ADCY5: variants seen among roughly 807,000 people sequenced by gnomAD.
ADCY5 encodes adenylate cyclase 5.
Under a neutral mutation model 119.7 loss-of-function variants are expected in ADCY5, and 30 were observed. The ratio of observed to expected loss-of-function variants is 0.25; its 90% CI spans 0.19 to 0.34. The LOEUF (loss-of-function observed/expected upper bound fraction) is 0.34. Ranked by LOEUF, ADCY5 falls within the 10% of genes least tolerant of loss-of-function variation. The pLI is 1.00. For synonymous variants in ADCY5, 753 were observed against 762.2 expected (o/e 0.99, Z 0.20); for missense variants, 1,324 against 1,775.2 (o/e 0.75, Z 4.57).
chr3:123,372,569 T>C (rs1231583755), intron 1 of ADCY5, among the ~76,000 whole-genome samples: 1 of 152,180 alleles, frequency 6.6e-6, no homozygotes, highest in Non-Finnish European at 1.5e-5. Context: ...ATGCTATTCC[T>C]GGCCACATGC....
At chr3:123,435,853 TA>T (rs1416570042) in intron 1 of ADCY5, among the ~76,000 whole-genome samples, 118 of 60,766 alleles carry the variant, frequency 1.9e-3, no homozygotes, top group African/African-American at 0.012. Flanking sequence ...AGAGCCCTTT[TA>T]TTATTATTAT....
intron 14 of ADCY5, among the ~76,000 whole-genome samples, chr3:123,300,582 G>C (rs1392120206): frequency 6.6e-6 from 1 of 152,218 alleles, no homozygotes; most frequent in Non-Finnish European, 1.5e-5. Flanking sequence ...ACTGGGCTTT[G>C]TGTGCCTCGG....
At chr3:123,373,900 T>C (rs961726802) in intron 1 of ADCY5, among the ~76,000 whole-genome samples, 2 of 152,026 alleles carry the variant, frequency 1.3e-5, no homozygotes, top group Non-Finnish European at 2.9e-5. Context: ...TTGGTTCCTA[T>C]AAAATCAGGA....
At chr3:123,307,837 C>T (rs1940281380) in intron 12 of ADCY5, among the ~76,000 whole-genome samples, 1 of 151,966 alleles carries the variant, frequency 6.6e-6, no homozygotes, top group African/African-American at 2.4e-5. Flanking sequence ...AGAGTATGCA[C>T]ATTAGCTTCC....
intron 1 of ADCY5, among the ~76,000 whole-genome samples, chr3:123,394,385 A>C (rs756560544): frequency 1.1e-4 from 17 of 152,310 alleles, no homozygotes; most frequent in Admixed American, 7.2e-4. Context: ...ATCCATCTAT[A>C]GCACAACTGA....
At chr3:123,326,602 A>G (rs1284299369) in intron 7 of ADCY5, among the ~76,000 whole-genome samples, 4 of 152,132 alleles carry the variant, frequency 2.6e-5, no homozygotes, top group African/African-American at 9.7e-5. Context: ...CAGTTCATTG[A>G]TACTATGGCC....
chr3:123,348,036 AGT>A lies in ADCY5; in HGVS notation c.1285-135_1285-134del, dbSNP rs59441110. On this transcript the variant is annotated intron_variant, in intron 2 of 20. Coordinates refer to ENST00000462833, the MANE Select transcript of ADCY5 (RefSeq NM_183357.3). ...GCTCTCCCGGGACTCCTGGGTTAAC[AGT>A]GTGTGTGTGTGTGTGTGTGTGTGTG... 2.2e-3 allele frequency: 1,040 copies of A among 467,212 alleles called. 1 individual carries two copies. Among genetic ancestry groups the A allele is most frequent in the East Asian group, 5.5e-3 (169 of 30,822 alleles). 28.9% of individuals were successfully genotyped at this position (467,212 alleles called of 1,614,324 possible). A position where few individuals can be genotyped will look rare whatever the true frequency, so the allele number is the denominator to read the frequency against.
chr3:123,424,637 C>G (rs1945365399), intron 1 of ADCY5, among the ~76,000 whole-genome samples: 1 of 152,202 alleles, frequency 6.6e-6, no homozygotes, highest in South Asian at 2.1e-4. Context: ...ACCCTTACAG[C>G]CCTTCCTCCA....
chr3:123,401,611 T>C (rs1311396143), intron 1 of ADCY5, among the ~76,000 whole-genome samples: 4 of 152,174 alleles, frequency 2.6e-5, no homozygotes, highest in Admixed American at 2.6e-4. Context: ...TTGGAACAAG[T>C]GGTGGAAAGG....
chr3:123,300,175 C>T lies in ADCY5; in HGVS notation c.2845G>A (p.Val949Met), dbSNP rs151227955. Reference sequence around the variant, plus strand: ...TTGTCGAAGAGCGTGACACCTGGCACCTCCACGATGAGCACGTAGATGAGC... The same window carrying T: ...TTGTCGAAGAGCGTGACACCTGGCATCTCCACGATGAGCACGTAGATGAGC... ...IELIYVLIVE[V>M]PGVTLFDNAD... Residue 949 changes from valine to methionine, a missense_variant, in exon 15 of 21, where the codon GTG becomes ATG. By Grantham distance (21) the Val-to-Met change is conservative (BLOSUM62 1). Transcript: ENST00000462833. 780 of 1,613,888 alleles carry T rather than the reference C, an allele frequency of 4.8e-4. No individual in the cohort carries two copies. The highest frequency in any genetic ancestry group is 6.3e-4 in the Non-Finnish European group (744 of 1,180,046).
In ADCY5 at chr3:123,283,184, A is replaced by ACAT. The variant is rs1297164763; in HGVS notation, c.*1421_*1423dup. On this transcript the variant is annotated 3_prime_UTR_variant, in exon 21 of 21. Transcript: ENST00000462833. ...ACATTGCATCCCCCAGTCTGAGTGA[A>ACAT]CATCTCCAGGAAGAGCCACCTGCAC... 3 of 152,132 alleles carry ACAT rather than the reference A, an allele frequency of 2.0e-5. No homozygotes were observed. The highest frequency in any genetic ancestry group is 6.5e-5 in the Admixed American group (1 of 15,276). 9.4% of individuals were successfully genotyped at this position (152,132 alleles called of 1,614,324 possible). A position where few individuals can be genotyped will look rare whatever the true frequency, so the allele number is the denominator to read the frequency against.
chr3:123,337,659 A>G (rs529986259), intron 3 of ADCY5, among the ~76,000 whole-genome samples: 8 of 152,302 alleles, frequency 5.3e-5, no homozygotes, highest in African/African-American at 1.9e-4. Context: ...GTCTCTTCTC[A>G]CAAGTTCACC....
chr3:123,424,814 G>A (rs1300747215), intron 1 of ADCY5, among the ~76,000 whole-genome samples: 2 of 152,232 alleles, frequency 1.3e-5, no homozygotes, highest in African/African-American at 4.8e-5. Context: ...GTGCCCATCT[G>A]TCCTGGGGAG....
At chr3:123,316,585 G>C (rs571811625) in intron 11 of ADCY5, among the ~76,000 whole-genome samples, 161 of 152,306 alleles carry the variant, frequency 1.1e-3, no homozygotes, top group African/African-American at 3.8e-3. Flanking sequence ...ATTTCAACAT[G>C]AAAAACAGAA....
At chr3:123,293,966 T>C (rs1939334874) in intron 17 of ADCY5, among the ~76,000 whole-genome samples, 2 of 152,210 alleles carry the variant, frequency 1.3e-5, no homozygotes, top group African/African-American at 4.8e-5. Context: ...TAGCCTGCGA[T>C]CGCGTGTGTT....
intron 17 of ADCY5, 132 bp downstream of exon 17, chr3:123,295,952 G>T: frequency 7.5e-7 from 1 of 1,339,674 alleles, no homozygotes; most frequent in Non-Finnish European, 1.0e-6. Flanking sequence ...TGGCTTCGAT[G>T]GGGCCTGAGC....
At chr3:123,320,650 G>T (rs1163283718) in intron 9 of ADCY5, 99 bp downstream of exon 9, 1 of 1,489,956 alleles carries the variant, frequency 6.7e-7, no homozygotes, top group South Asian at 1.1e-5. Context: ...TGCAAGAGGA[G>T]TCATTTTCCA....
intron 1 of ADCY5, among the ~76,000 whole-genome samples, chr3:123,394,845 G>A (rs917767906): frequency 8.5e-5 from 13 of 152,254 alleles, no homozygotes; most frequent in African/African-American, 1.7e-4. Context: ...AGAAAAGGTC[G>A]CATCAGCAAC....
chr3:123,308,558 A>AGT (rs530651405), intron 12 of ADCY5, among the ~76,000 whole-genome samples: 195 of 151,910 alleles, frequency 1.3e-3, no homozygotes, highest in African/African-American at 4.4e-3. Context: ...GGCCACGCGC[A>AGT]GTGGCTCATG....
Sources: allele counts gnomAD v4.1 joint callset (sites outside exome capture counted in the v4.1 genomes callset), GRCh38; gene constraint gnomAD v4.1.1; transcripts MANE v1.5; gene names NCBI Gene and HGNC (gene_info 2026-07-23, HGNC 2026-07-21).